SRRM4: variants seen among roughly 807,000 people sequenced by gnomAD.
SRRM4 encodes serine/arginine repetitive matrix protein 4.
SRRM4 carries 33 observed loss-of-function variants against 68.9 expected under a neutral mutation model. The observed-to-expected ratio is 0.48, with a 90% confidence interval of 0.36 to 0.64. The LOEUF is 0.64. Among genes scored for constraint, SRRM4 ranks in the 30% least tolerant of loss-of-function variants. SRRM4 has a pLI of 0.00. For synonymous variants in SRRM4, 318 were observed against 318.8 expected (o/e 1.00, Z 0.03); for missense variants, 817 against 827.1 (o/e 0.99, Z 0.15).
intron 1 of SRRM4, among the ~76,000 whole-genome samples, chr12:119,075,579 T>C (rs1953905100): frequency 6.8e-6 from 1 of 146,952 alleles, no homozygotes; most frequent in Admixed American, 6.7e-5. Context: ...ATGGTGATGA[T>C]GGTGATGATG....
chr12:119,060,071 G>C (rs985605587), intron 1 of SRRM4, among the ~76,000 whole-genome samples: 4 of 152,070 alleles, frequency 2.6e-5, no homozygotes, highest in African/African-American at 9.7e-5. Flanking sequence ...CCCTGACTTT[G>C]TGTAGATTTA....
At chr12:119,092,724 C>T (rs1954021255) in intron 1 of SRRM4, among the ~76,000 whole-genome samples, 2 of 152,094 alleles carry the variant, frequency 1.3e-5, no homozygotes, top group Admixed American at 1.3e-4. Flanking sequence ...ATTCCAGATC[C>T]CTGGCCATAT....
In SRRM4 at chr12:119,130,808, C is replaced by G. The variant is rs1954292887; in HGVS notation, c.745C>G (p.Leu249Val). 2 of 1,606,794 alleles carry G rather than the reference C, an allele frequency of 1.2e-6. No individual in the cohort carries two copies. The highest frequency in any genetic ancestry group is 4.5e-5 in the East Asian group (2 of 44,860). Residue 249 changes from leucine (L) to valine (V), a missense_variant, in exon 8 of 13, where the codon CTT becomes GTT. By Grantham distance (32) the Leu-to-Val change is conservative. Coordinates refer to ENST00000267260, the MANE Select transcript of SRRM4 (RefSeq NM_194286.4). The part of the protein sequence containing the change: ...SRPPSQPLQM[L>V]GYLSARGVIT... ...CCCGCCCAGTCAACCCCTCCAGATG[C>G]TTGGCTACCTGTCAGCCAGGGGTGT...
intron 1 of SRRM4, chr12:118,992,006 T>C (rs1435171630): frequency 6.6e-6 from 1 of 152,204 alleles, no homozygotes; most frequent in African/African-American, 2.4e-5. Context: ...CTTAACATAT[T>C]GGAACCATAG....
chr12:119,071,422 T>C (rs955289884), intron 1 of SRRM4, among the ~76,000 whole-genome samples: 1 of 152,182 alleles, frequency 6.6e-6, no homozygotes, highest in East Asian at 1.9e-4. Context: ...ATTAAATCTG[T>C]CTATGCCTGT....
intron 1 of SRRM4, among the ~76,000 whole-genome samples, chr12:119,048,439 G>A (rs1284980428): frequency 1.3e-5 from 2 of 152,174 alleles, no homozygotes; most frequent in African/African-American, 4.8e-5. Context: ...AACATGAATT[G>A]TGAGCTCTGG....
In SRRM4 at chr12:119,154,690, C is replaced by T. The variant is rs1411997232; in HGVS notation, c.1532+307C>T. ...GGGGCCGGGGAGGTGGAGCTGGGGC[C>T]GGGGAGGCGGAGCTGGGGGAGAGAG... On this transcript the variant is annotated intron_variant, in intron 12 of 12. Transcript: ENST00000267260. This position sits in a 1 kb window ranked among gnomAD's most constrained non-coding sequence, Gnocchi z 4.7. Among the ~76,000 whole-genome samples, 2 of 151,524 alleles carry T rather than the reference C, an allele frequency of 1.3e-5. No homozygotes were observed. Among genetic ancestry groups the T allele is most frequent in the African/African-American group, 4.9e-5 (2 of 41,140 alleles).
At chr12:119,149,690 A>G (rs912135921) in intron 9 of SRRM4, among the ~76,000 whole-genome samples, 2 of 152,162 alleles carry the variant, frequency 1.3e-5, no homozygotes, top group African/African-American at 4.8e-5. Flanking sequence ...AGACAGCCAG[A>G]ATGTTCTGAG....
rs1954462648 is a variant in SRRM4, at chr12:119,154,831, G to A, written c.1532+448G>A. ...TCAGACCTGTACACTCAGCTGTCAG[G>A]CTTAAATAAACCTATATGTAATTAT... is the stretch of plus-strand genomic sequence containing the variant. On this transcript the variant is annotated intron_variant, in intron 12 of 12. Transcript: ENST00000267260. The surrounding 1 kb of genome is among the most constrained non-coding windows in gnomAD (Gnocchi z 4.7). Among the ~76,000 whole-genome samples the A allele has an allele frequency of 6.6e-6, 1 of 152,204 alleles. No individual in the cohort carries two copies. Among genetic ancestry groups the A allele is most frequent in the East Asian group, 1.9e-4 (1 of 5,188 alleles).
intron 3 of SRRM4, among the ~76,000 whole-genome samples, chr12:119,115,254 T>C (rs879432880): frequency 3.3e-4 from 50 of 152,200 alleles, no homozygotes; most frequent in Middle Eastern, 6.8e-3. Flanking sequence ...GCTGTTTGTT[T>C]GTTTGCCAGC....
At chr12:119,053,444 G>C (rs1286172732) in intron 1 of SRRM4, among the ~76,000 whole-genome samples, 1 of 152,162 alleles carries the variant, frequency 6.6e-6, no homozygotes, top group Non-Finnish European at 1.5e-5. Flanking sequence ...AACATTCTAT[G>C]GGAGACGTGG....
intron 1 of SRRM4, among the ~76,000 whole-genome samples, chr12:119,050,949 A>G (rs1001711311): frequency 5.9e-5 from 9 of 152,314 alleles, no homozygotes; most frequent in African/African-American, 1.9e-4. Flanking sequence ...TGGCTCCCAT[A>G]TTGGACAGAG....
rs149848836 is a variant in SRRM4 at position 119,154,709 on chromosome 12, G to T, written c.1532+326G>T. Among the ~76,000 whole-genome samples, 2,644 of 152,298 alleles carry T rather than the reference G, an allele frequency of 0.017. 36 individuals carry two copies. The highest frequency in any genetic ancestry group is 0.026 in the Non-Finnish European group (1,753 of 68,022). ...TGGGGCCGGGGAGGCGGAGCTGGGGGAGAGAGTGGCGTCAGGCCAGGGAAT... is the reference window on the plus strand; with the variant it reads ...TGGGGCCGGGGAGGCGGAGCTGGGGTAGAGAGTGGCGTCAGGCCAGGGAAT... On this transcript the variant is annotated intron_variant, in intron 12 of 12. Transcript: ENST00000267260. The surrounding 1 kb of genome is among the most constrained non-coding windows in gnomAD (Gnocchi z 4.7).
chr12:119,130,438 G>GATGGATGGTTAAATGGATGA (rs1238901683), intron 7 of SRRM4, among the ~76,000 whole-genome samples: 1 of 152,052 alleles, frequency 6.6e-6, no homozygotes, highest in Non-Finnish European at 1.5e-5. Context: ...TGGATGGATG[G>GATGGATGGTTAAATGGATGA]ATGGATGGTT....
chr12:118,998,885 A>C (rs964715487), intron 1 of SRRM4, among the ~76,000 whole-genome samples: 1 of 152,218 alleles, frequency 6.6e-6, no homozygotes, highest in Non-Finnish European at 1.5e-5. Context: ...TGCCCAATTC[A>C]TATTTATGTA....
chr12:119,000,024 T>C (rs925121236), intron 1 of SRRM4, among the ~76,000 whole-genome samples: 28 of 152,224 alleles, frequency 1.8e-4, no homozygotes, highest in African/African-American at 6.8e-4. Flanking sequence ...TACTTTGTAC[T>C]GTATTATGAC....
intron 1 of SRRM4, among the ~76,000 whole-genome samples, chr12:119,021,315 A>T (rs1197246300): frequency 6.6e-6 from 1 of 152,240 alleles, no homozygotes; most frequent in African/African-American, 2.4e-5. Context: ...AGAAGAGATG[A>T]AACCTGTAGT....
chr12:119,123,185 C>T (rs79730559), intron 6 of SRRM4, among the ~76,000 whole-genome samples: 22,939 of 152,124 alleles, frequency 0.15, 1,883 homozygotes, highest in Middle Eastern at 0.19. Context: ...GGGTGCCCAG[C>T]TTTGCTGCCC....
At chr12:119,062,738 G>A (rs546862443) in intron 1 of SRRM4, among the ~76,000 whole-genome samples, 6 of 152,182 alleles carry the variant, frequency 3.9e-5, no homozygotes, top group African/African-American at 7.2e-5. Flanking sequence ...CATTATAATC[G>A]CATGGGACCA....
Sources: allele counts gnomAD v4.1 joint callset (sites outside exome capture counted in the v4.1 genomes callset), GRCh38; gene constraint gnomAD v4.1.1; non-coding constraint Gnocchi (gnomAD v3.1); transcripts MANE v1.5; gene names NCBI Gene and HGNC (gene_info 2026-07-23, HGNC 2026-07-21).